Variants in LGSN observed in about 807,000 individuals in gnomAD.
LGSN encodes lengsin.
A neutral mutation model predicts 19.5 loss-of-function variants in LGSN; 21 were observed. The observed-to-expected ratio is 1.07, with a 90% CI of 0.76 to 1.55. The LOEUF (loss-of-function observed/expected upper bound fraction) is 1.55, where lower values mean the gene tolerates loss of function less well. Among genes scored for constraint, LGSN ranks in the 40% most tolerant of loss-of-function variants. The probability of loss-of-function intolerance (pLI) is 0.00; values close to 1 mark genes in which losing one functional copy is unlikely to be tolerated. For synonymous variants in LGSN, 257 were observed against 215.6 expected, an observed-to-expected ratio of 1.19 and a Z score of -1.68; for missense variants, 673 against 608.5, an observed-to-expected ratio of 1.11 and a Z score of -1.12.
the LGSN span, among the ~76,000 whole-genome samples, chr6:63,423,285 A>C: frequency 6.6e-6 from 1 of 152,244 alleles, no homozygotes; most frequent in Non-Finnish European, 1.5e-5. Context: ...GCCGAACAGC[A>C]GTGACCTGCG....
At chr6:63,501,172 G>A in the LGSN span, among the ~76,000 whole-genome samples, 4 of 152,062 alleles carry the variant, frequency 2.6e-5, no homozygotes, top group Non-Finnish European at 5.9e-5. Flanking sequence ...AGGAGTTCGA[G>A]ACTACCCTGG....
the LGSN span, among the ~76,000 whole-genome samples, chr6:63,401,802 C>T: frequency 6.6e-6 from 1 of 152,118 alleles, no homozygotes; most frequent in African/African-American, 2.4e-5. Flanking sequence ...GGGCAAAAGG[C>T]TGATTTAAGA....
chr6:63,427,458 C>T, the LGSN span, among the ~76,000 whole-genome samples: 2 of 151,974 alleles, frequency 1.3e-5, no homozygotes, highest in South Asian at 2.1e-4. Context: ...AAATATAAGC[C>T]GAGGCAGATT....
chr6:63,343,312 T>C, the LGSN span, among the ~76,000 whole-genome samples: 1 of 152,240 alleles, frequency 6.6e-6, no homozygotes, highest in African/African-American at 2.4e-5. Flanking sequence ...GTTACTTTCA[T>C]GAGTCTGAGA....
At chr6:63,328,606 T>C in the LGSN span, among the ~76,000 whole-genome samples, 7 of 152,220 alleles carry the variant, frequency 4.6e-5, no homozygotes, top group Non-Finnish European at 1.0e-4. Flanking sequence ...CTACATCAAT[T>C]TCCTTACTTA....
At position 63,316,248 on chromosome 6, in the gene LGSN, C is replaced by T. The variant is rs79599267; in HGVS notation, c.30+3666G>A. Among the ~76,000 whole-genome samples the T allele has an allele frequency of 2.9e-3, 449 of 152,214 alleles. 3 individuals carry two copies. Among genetic ancestry groups the T allele is most frequent in the African/African-American group, 0.01 (424 of 41,554 alleles). On this transcript the variant is annotated intron_variant, in intron 1 of 3. Coordinates refer to ENST00000370657, the MANE Select transcript of LGSN (RefSeq NM_016571.3). ...GAGAATGATAGAGCAACGATCATTA[C>T]TGAGAGCTCTGTGTGAAAGAAGTAT...
At chr6:63,456,135 C>A in the LGSN span, among the ~76,000 whole-genome samples, 398 of 151,592 alleles carry the variant, frequency 2.6e-3, no homozygotes, top group Non-Finnish European at 4.0e-3. Context: ...GAGGCTGAGG[C>A]AGGAGAATCC....
the LGSN span, among the ~76,000 whole-genome samples, chr6:63,327,521 TGAG>T: frequency 2.0e-5 from 3 of 152,144 alleles, no homozygotes; most frequent in African/African-American, 7.2e-5. Context: ...TTCTCAGCAG[TGAG>T]GAGGTCTAGG....
At chr6:63,291,167 A>G (rs1363196106) in intron 2 of LGSN, among the ~76,000 whole-genome samples, 1 of 152,216 alleles carries the variant, frequency 6.6e-6, no homozygotes, top group African/African-American at 2.4e-5. Context: ...AGGTGAGCCA[A>G]GGTGAGCGCT....
intron 3 of LGSN, among the ~76,000 whole-genome samples, chr6:63,283,529 G>T (rs1767400622): frequency 6.6e-6 from 1 of 150,786 alleles, no homozygotes; most frequent in South Asian, 2.1e-4. Context: ...TTGATTGATA[G>T]AACAGAGATA....
upstream of LGSN, among the ~76,000 whole-genome samples, chr6:63,320,344 C>T (rs1769041478): frequency 6.6e-6 from 1 of 152,136 alleles, no homozygotes; most frequent in African/African-American, 2.4e-5. Flanking sequence ...TCAAAGCCCA[C>T]AGACAAAAGC....
At chr6:63,432,092 A>AAG in the LGSN span, among the ~76,000 whole-genome samples, 8 of 22,102 alleles carry the variant, frequency 3.6e-4, no homozygotes, top group Non-Finnish European at 4.5e-4. Flanking sequence ...AAAGAAGGAA[A>AAG]GAAAGAAAGA....
chr6:63,412,563 A>AAAGG, the LGSN span, among the ~76,000 whole-genome samples: 1 of 136,332 alleles, frequency 7.3e-6, no homozygotes. Flanking sequence ...AGAAAGAAAG[A>AAAGG]AAGAAAGGAA....
the LGSN span, among the ~76,000 whole-genome samples, chr6:63,347,079 G>A: frequency 6.6e-6 from 1 of 152,160 alleles, no homozygotes; most frequent in African/African-American, 2.4e-5. Flanking sequence ...GAAATTTCAA[G>A]GGATTGGAAG....
chr6:63,526,016 A>G, the LGSN span, among the ~76,000 whole-genome samples: 4 of 152,248 alleles, frequency 2.6e-5, no homozygotes, highest in Middle Eastern at 3.4e-3. Context: ...TTCAACCACT[A>G]TATTTTATTG....
chr6:63,349,898 C>A, the LGSN span, among the ~76,000 whole-genome samples: 5 of 152,152 alleles, frequency 3.3e-5, no homozygotes, highest in Non-Finnish European at 5.9e-5. Flanking sequence ...CACTTCTCAA[C>A]GCATTCTGGT....
At chr6:63,423,277 C>T in the LGSN span, among the ~76,000 whole-genome samples, 96 of 152,196 alleles carry the variant, frequency 6.3e-4, no homozygotes, top group Middle Eastern at 0.01. Flanking sequence ...GCCAGGAGGC[C>T]GAACAGCAGT....
intron 2 of LGSN, among the ~76,000 whole-genome samples, chr6:63,288,852 C>G (rs917608980): frequency 6.6e-6 from 1 of 152,160 alleles, no homozygotes; most frequent in African/African-American, 2.4e-5. Flanking sequence ...AGGGGCCACC[C>G]TACTGACCTA....
At chr6:63,353,302 T>C in the LGSN span, among the ~76,000 whole-genome samples, 1 of 151,900 alleles carries the variant, frequency 6.6e-6, no homozygotes, top group Admixed American at 6.6e-5. Flanking sequence ...CAAGAGGCAA[T>C]AGGCAACATC....
Sources: allele counts gnomAD v4.1 joint callset (sites outside exome capture counted in the v4.1 genomes callset), GRCh38; gene constraint gnomAD v4.1.1; transcripts MANE v1.5; gene names NCBI Gene and HGNC (gene_info 2026-07-23, HGNC 2026-07-21).